The following SYNC variants were observed in gnomAD, a reference collection of about 807,000 sequenced individuals.
SYNC encodes syncoilin.
A neutral mutation model predicts 49.5 loss-of-function variants in SYNC; 38 were observed. The ratio of observed to expected loss-of-function variants is 0.77; its 90% CI spans 0.59 to 1.01. The LOEUF is 1.01. SYNC is among the 50% of genes least tolerant of loss of function. The pLI is 0.00. For synonymous variants in SYNC, 201 were observed against 230.8 expected, an observed-to-expected ratio of 0.87 and a Z score of 1.17; for missense variants, 579 against 580.6, an observed-to-expected ratio of 1.00 and a Z score of 0.03.
chr1:32,684,391 G>A lies in SYNC; in HGVS notation c.1234-9C>T, dbSNP rs372408918. Reference sequence around the variant, plus strand: ...ATTTCCTCCAGCTGTTCCTGCATGAGATGGCCAAGAACATTTCTAATGAGC... The same window carrying A: ...ATTTCCTCCAGCTGTTCCTGCATGAAATGGCCAAGAACATTTCTAATGAGC... On this transcript the variant is annotated splice_polypyrimidine_tract_variant and intron_variant, in intron 2 of 4. Transcript: ENST00000409190. 5 of 1,614,006 alleles carry A rather than the reference G, an allele frequency of 3.1e-6. No individual in the cohort carries two copies. The African/African-American group carries it at 5.3e-5, about 17-fold the overall frequency.
chr1:32,702,960 C>A, upstream of SYNC: 1 of 160,376 alleles, frequency 6.2e-6, no homozygotes, highest in Non-Finnish European at 1.4e-5. This position sits in a 1 kb window ranked among gnomAD's most constrained non-coding sequence, Gnocchi z 6.2. Context: ...CTTCTCTCCA[C>A]CCTTCCTTTC....
intron 4 of SYNC, 69 bp from the exon 5 acceptor site, chr1:32,681,929 G>A (rs1557865387): frequency 1.0e-5 from 14 of 1,396,274 alleles, no homozygotes; most frequent in Non-Finnish European, 1.4e-5. Flanking sequence ...GCTTTGTTGA[G>A]AAGAGATTGT....
At chr1:32,684,734 G>A (rs937329088) in intron 2 of SYNC, 1 of 185,002 alleles carries the variant, frequency 5.4e-6, no homozygotes. Context: ...CCCTCCATGT[G>A]CAGGTTTGTT....
chr1:32,680,654 C>A lies in SYNC; in HGVS notation c.*1196G>T. On this transcript the variant is annotated 3_prime_UTR_variant, in exon 5 of 5. Transcript: ENST00000409190. ...TGGAATAAATTGCTTTTCTACATAA[C>A]CCCATGCTGATGGGTTTTATTTAGT... 2 of 1,062,274 alleles carry A rather than the reference C, an allele frequency of 1.9e-6. No individual in the cohort carries two copies. Among genetic ancestry groups the A allele is most frequent in the Non-Finnish European group, 2.8e-6 (2 of 726,834 alleles). The allele number at this position is 1,062,274 out of a possible 1,614,324, so 65.8% of individuals were successfully genotyped here. A position where few individuals can be genotyped will look rare whatever the true frequency, so the allele number is the denominator to read the frequency against.
In SYNC at chr1:32,702,523, A is replaced by T. The variant is rs1459052303; in HGVS notation, c.53+85T>A. Reference sequence around the variant, plus strand: ...ACCACTACCCCTAGACAGGCGAAAGACGCCCGCGGTCGGGGGGAAAGGGAA... The same window carrying T: ...ACCACTACCCCTAGACAGGCGAAAGTCGCCCGCGGTCGGGGGGAAAGGGAA... On this transcript the variant is annotated intron_variant, in intron 1 of 4. Coordinates refer to ENST00000409190, the MANE Select transcript of SYNC (RefSeq NM_030786.3). The surrounding 1 kb of genome is among the most constrained non-coding windows in gnomAD (Gnocchi z 6.2). 8.7e-7 allele frequency: 1 copy of T among 1,153,222 alleles called. No homozygotes were observed. The highest frequency in any genetic ancestry group is 4.4e-5 in the South Asian group (1 of 22,922). 71.4% of individuals were successfully genotyped at this position (1,153,222 alleles called of 1,614,324 possible).
At chr1:32,691,886 C>G (rs1011499975) in intron 2 of SYNC, among the ~76,000 whole-genome samples, 2 of 152,070 alleles carry the variant, frequency 1.3e-5, no homozygotes, top group African/African-American at 2.4e-5. Flanking sequence ...ATACCTAGCT[C>G]AAATTCCACC....
rs373681116 is a variant in SYNC at position 32,684,021 on chromosome 1, G to C, written c.1427C>G (p.Thr476Arg). The change falls in exon 4 of 5, where the codon ACA (threonine) becomes AGA (arginine). Residue 476 changes from threonine to arginine, a missense_variant. Thr to Arg is a moderately conservative substitution (Grantham distance 71, BLOSUM62 -1). Coordinates refer to ENST00000409190, the MANE Select transcript of SYNC (RefSeq NM_030786.3). ...TTCACAAAGATCACCTTGAGACTGT[G>C]TCTCCATTCCACCTGCCTGAGAAGT... ...APTSQAGGME[T>R]QSQGAV The C allele has an allele frequency of 1.1e-4, 173 of 1,613,986 alleles. No homozygotes were observed. Among genetic ancestry groups the C allele is most frequent in the Non-Finnish European group, 1.4e-4 (167 of 1,179,948 alleles).
Position 32,680,512 on chromosome 1 carries a change from C to G in SYNC, c.*1338G>C, listed in dbSNP as rs1570882396. The G allele has an allele frequency of 1.3e-6, 1 of 767,736 alleles. No homozygotes were observed. Among genetic ancestry groups the G allele is most frequent in the East Asian group, 5.3e-5 (1 of 18,856 alleles). The allele number at this position is 767,736 out of a possible 1,614,324, so 47.6% of individuals were successfully genotyped here. On this transcript the variant is annotated 3_prime_UTR_variant, in exon 5 of 5. Coordinates refer to ENST00000409190, the MANE Select transcript of SYNC (RefSeq NM_030786.3). The stretch of plus-strand genomic sequence containing the variant: ...TTAAATTAATCCTTGATAAGAGTTG[C>G]TTTTTTTTTTTAGGAGTTAGTCCTT...
Position 32,680,656 on chromosome 1 carries a change from C to G in SYNC, c.*1194G>C. On this transcript the variant is annotated 3_prime_UTR_variant, in exon 5 of 5. Transcript: ENST00000409190. ...GAATAAATTGCTTTTCTACATAACC[C>G]CATGCTGATGGGTTTTATTTAGTAT... is the stretch of plus-strand genomic sequence containing the variant. The G allele has an allele frequency of 9.8e-7, 1 of 1,024,702 alleles. No homozygotes were observed. The highest frequency in any genetic ancestry group is 1.4e-6 in the Non-Finnish European group (1 of 692,900). The allele number at this position is 1,024,702 out of a possible 1,614,324, so 63.5% of individuals were successfully genotyped here.
At position 32,680,165 on chromosome 1, in the gene SYNC, T is replaced by TA. The variant is rs1324310149; in HGVS notation, c.*1684_*1685insT. 2.9e-5 allele frequency: 31 copies of TA among 1,057,186 alleles called. No individual in the cohort carries two copies. Among genetic ancestry groups the TA allele is most frequent in the Non-Finnish European group, 3.2e-5 (29 of 895,220 alleles). 65.5% of individuals were successfully genotyped at this position (1,057,186 alleles called of 1,614,324 possible). A position where few individuals can be genotyped will look rare whatever the true frequency, so the allele number is the denominator to read the frequency against. Reference sequence around the variant, plus strand: ...CATATAGATTCCTACTCGAAAATCTTGACACCTGACTTTCCAGGATGCACA... The same window carrying TA: ...CATATAGATTCCTACTCGAAAATCTTAGACACCTGACTTTCCAGGATGCACA... On this transcript the variant is annotated 3_prime_UTR_variant, in exon 5 of 5. Transcript: ENST00000409190.
At chr1:32,697,258 A>G (rs886314780) in intron 1 of SYNC, among the ~76,000 whole-genome samples, 7 of 151,408 alleles carry the variant, frequency 4.6e-5, no homozygotes, top group African/African-American at 1.7e-4. Context: ...CCTGACCAAC[A>G]TGGAGAAACC....
chr1:32,680,646 C>T lies in SYNC; in HGVS notation c.*1204G>A. On this transcript the variant is annotated 3_prime_UTR_variant, in exon 5 of 5. Transcript: ENST00000409190. ...GCTTAAAATGGAATAAATTGCTTTTCTACATAACCCCATGCTGATGGGTTT... is the reference window on the plus strand; with the variant it reads ...GCTTAAAATGGAATAAATTGCTTTTTTACATAACCCCATGCTGATGGGTTT... The T allele has an allele frequency of 9.0e-7, 1 of 1,112,498 alleles. No individual in the cohort carries two copies. 68.9% of individuals were successfully genotyped at this position (1,112,498 alleles called of 1,614,324 possible).
In SYNC at chr1:32,680,080, C is replaced by T; in HGVS notation, c.*1770G>A. On this transcript the variant is annotated 3_prime_UTR_variant, in exon 5 of 5. Transcript: ENST00000409190. Reference sequence around the variant, plus strand: ...AGCCAAATGAGGTAGGTGTCTGAGCCATGAAGTATAAATACTGAAAGATGT... The same window carrying T: ...AGCCAAATGAGGTAGGTGTCTGAGCTATGAAGTATAAATACTGAAAGATGT... The T allele has an allele frequency of 1.3e-5, 14 of 1,067,880 alleles. No individual in the cohort carries two copies. The highest frequency in any genetic ancestry group is 1.6e-5 in the Non-Finnish European group (14 of 884,388). 66.2% of individuals were successfully genotyped at this position (1,067,880 alleles called of 1,614,324 possible).
chr1:32,702,689 G>C lies in SYNC; in HGVS notation c.-29C>G. 1 of 1,159,954 alleles carries C rather than the reference G, an allele frequency of 8.6e-7. No individual in the cohort carries two copies. The highest frequency in any genetic ancestry group is 1.1e-6 in the Non-Finnish European group (1 of 942,446). The allele number at this position is 1,159,954 out of a possible 1,614,324, so 71.9% of individuals were successfully genotyped here. On this transcript the variant is annotated 5_prime_UTR_variant, in exon 1 of 5. Coordinates refer to ENST00000409190, the MANE Select transcript of SYNC (RefSeq NM_030786.3). The surrounding 1 kb of genome is among the most constrained non-coding windows in gnomAD (Gnocchi z 6.2). ...TGCGCGACCCCGGGCTGGCGGCCGC[G>C]TTATTAATAGCCGGGCCCGCGGGCC...
chr1:32,689,235 C>CTTTTTTTTTTTTTTTTTTTTTTTTT lies in SYNC; in HGVS notation c.1234-4878_1234-4854dup, dbSNP rs71006360. Among the ~76,000 whole-genome samples, 2 of 41,520 alleles carry CTTTTTTTTTTTTTTTTTTTTTTTTT rather than the reference C, an allele frequency of 4.8e-5. 1 individual carries two copies. The highest frequency in any genetic ancestry group is 1.7e-3 in the East Asian group (2 of 1,190). The allele number at this position is 41,520 out of a possible 152,430, so 27.2% of individuals were successfully genotyped here. A position where few individuals can be genotyped will look rare whatever the true frequency, so the allele number is the denominator to read the frequency against. ...ACAGGCGTGAGGCACCTCGCCTGGC[C>CTTTTTTTTTTTTTTTTTTTTTTTTT]TTTTTTTTTTTTTTTTTTTTTTTTT... On this transcript the variant is annotated intron_variant, in intron 2 of 4. Transcript: ENST00000409190.
In SYNC at chr1:32,695,198, C is replaced by T. The variant is rs747835140; in HGVS notation, c.900G>A (p.Glu300=). Residue 300 remains glutamate, a synonymous_variant, in exon 2 of 5, where the codon GAG becomes GAA. Transcript: ENST00000409190. ...GGGCTTCTAGTTGTTGCCGCAGCTGCTCCTTCTGCTTCTGATAGGCATCCC... is the reference window on the plus strand; with the variant it reads ...GGGCTTCTAGTTGTTGCCGCAGCTGTTCCTTCTGCTTCTGATAGGCATCCC... ...QLRDAYQKQK[E]QLRQQLEAPP... 6.4e-7 allele frequency: 1 copy of T among 1,559,260 alleles called. No individual in the cohort carries two copies. Among genetic ancestry groups the T allele is most frequent in the East Asian group, 2.4e-5 (1 of 41,292 alleles).
intron 2 of SYNC, among the ~76,000 whole-genome samples, chr1:32,690,035 G>T (rs1266412091): frequency 6.6e-6 from 1 of 151,872 alleles, no homozygotes; most frequent in African/African-American, 2.4e-5. Flanking sequence ...CTCAGACCTT[G>T]CTTCCTACTT....
rs878971886 is a variant in SYNC at position 32,680,338 on chromosome 1, GT to G, written c.*1511del. On this transcript the variant is annotated 3_prime_UTR_variant, in exon 5 of 5. Coordinates refer to ENST00000409190, the MANE Select transcript of SYNC (RefSeq NM_030786.3). ...GTTTATTTCCTGTCTGTGAAATGGTGTTTTTTTTTTTGTTGTTGGTTTTTTT... is the reference window on the plus strand; with the variant it reads ...GTTTATTTCCTGTCTGTGAAATGGTGTTTTTTTTTTGTTGTTGGTTTTTTT... The G allele has an allele frequency of 0.016, 12,316 of 772,188 alleles. 22 individuals carry two copies. Among genetic ancestry groups the G allele is most frequent in the Middle Eastern group, 0.039 (74 of 1,890 alleles). The allele number at this position is 772,188 out of a possible 1,614,324, so 47.8% of individuals were successfully genotyped here.
At chr1:32,686,890 A>G (rs921023532) in intron 2 of SYNC, among the ~76,000 whole-genome samples, 7 of 152,182 alleles carry the variant, frequency 4.6e-5, no homozygotes, top group African/African-American at 1.7e-4. Flanking sequence ...GTGGTTCTCA[A>G]ACTTTTCTGT....
Sources: allele counts gnomAD v4.1 joint callset (sites outside exome capture counted in the v4.1 genomes callset), GRCh38; gene constraint gnomAD v4.1.1; non-coding constraint Gnocchi (gnomAD v3.1); transcripts MANE v1.5; gene names NCBI Gene and HGNC (gene_info 2026-07-23, HGNC 2026-07-21).